LRRC32: variants seen among roughly 807,000 people sequenced by gnomAD.
The protein encoded by LRRC32 is transforming growth factor beta activator LRRC32.
Under a neutral mutation model 15.0 loss-of-function variants are expected in LRRC32, and 5 were observed. The observed-to-expected ratio is 0.33, with a 90% CI of 0.17 to 0.70. The LOEUF (loss-of-function observed/expected upper bound fraction) is 0.70. LRRC32 is among the 30% of genes least tolerant of loss of function. The pLI is 0.66. For missense variants in LRRC32, 803 were observed against 854.2 expected, an observed-to-expected ratio of 0.94 and a Z score of 0.75; for synonymous variants, 391 against 403.9, an observed-to-expected ratio of 0.97 and a Z score of 0.38.
At chr11:76,665,349 G>A (rs1216739027) in intron 2 of LRRC32, among the ~76,000 whole-genome samples, 1 of 152,134 alleles carries the variant, frequency 6.6e-6, no homozygotes, top group East Asian at 1.9e-4. Context: ...GCCTGGGAGG[G>A]GCTGGGGAGG....
rs2120049455 is a variant in LRRC32, at chr11:76,660,593, A to G, written c.1000T>C (p.Phe334Leu). 1 of 1,614,190 alleles carries G rather than the reference A, an allele frequency of 6.2e-7. No individual in the cohort carries two copies. The highest frequency in any genetic ancestry group is 8.5e-7 in the Non-Finnish European group (1 of 1,180,036). The change falls in exon 3 of 3, where the codon TTT becomes CTT. Residue 334 changes from phenylalanine to leucine, a missense_variant. Physicochemically the swap from Phe to Leu is conservative, Grantham distance 22. Transcript: ENST00000260061. ...YNEIELIPDS[F>L]LEHLTSLCFL... ...CACAGGGAGGTCAGGTGCTCAAGAAAGCTGTCGGGGATGAGCTCAATCTCA... is the reference window on the plus strand; with the variant it reads ...CACAGGGAGGTCAGGTGCTCAAGAAGGCTGTCGGGGATGAGCTCAATCTCA...
Position 76,658,673 on chromosome 11 carries a change from T to C in LRRC32, c.*931A>G, listed in dbSNP as rs1952454633. ...GGGGATAAAATATAGAGCTGTCACA[T>C]AGGGGCAGACACAAGGCTTGGATTC... On this transcript the variant is annotated 3_prime_UTR_variant, in exon 3 of 3. Transcript: ENST00000260061. 1 of 152,740 alleles carries C rather than the reference T, an allele frequency of 6.5e-6. No homozygotes were observed. The highest frequency in any genetic ancestry group is 1.5e-5 in the Non-Finnish European group (1 of 68,044). 9.5% of individuals were successfully genotyped at this position (152,740 alleles called of 1,614,324 possible).
Position 76,659,397 on chromosome 11 carries a change from C to T in LRRC32, c.*207G>A. ...ATTCTCGGCTGTCCCTGAAACCGCC[C>T]AACTTCTGGCTTCCACAGCTGGACC... On this transcript the variant is annotated 3_prime_UTR_variant, in exon 3 of 3. Transcript: ENST00000260061. 1.7e-6 allele frequency: 1 copy of T among 579,704 alleles called. No individual in the cohort carries two copies. Among genetic ancestry groups the T allele is most frequent in the South Asian group, 2.3e-5 (1 of 43,446 alleles). 35.9% of individuals were successfully genotyped at this position (579,704 alleles called of 1,614,324 possible). A position where few individuals can be genotyped will look rare whatever the true frequency, so the allele number is the denominator to read the frequency against.
At chr11:76,661,983 C>G (rs879816014) in intron 2 of LRRC32, among the ~76,000 whole-genome samples, 4 of 152,156 alleles carry the variant, frequency 2.6e-5, no homozygotes, top group Non-Finnish European at 5.9e-5. Context: ...ATGGGAATTT[C>G]TCCACTTTGG....
rs374884719 is a variant in LRRC32, at chr11:76,663,266, A to C, written c.85-1758T>G. 5.3e-5 allele frequency: 8 copies of C among 152,340 alleles called. No homozygotes were observed. In the East Asian group the frequency reaches 1.3e-3, roughly 26 times the overall value. The allele number at this position is 152,340 out of a possible 1,614,324, so 9.4% of individuals were successfully genotyped here. ...CAATCACTTCTCTAGGAGGAAAGAA[A>C]ATGCATAATTGATATTTTCAAAATA... On this transcript the variant is annotated intron_variant, in intron 2 of 2. Coordinates refer to ENST00000260061, the MANE Select transcript of LRRC32 (RefSeq NM_001128922.2).
chr11:76,660,759 C>G lies in LRRC32; in HGVS notation c.834G>C (p.Arg278=), dbSNP rs764827077. ...IYLNLSNNLI[R]LPTGPPQDSK... ...TGTCCTGGGGTGGCCCTGTGGGGAG[C>G]CGGATGAGGTTGTTGGACAAGTTCA... The change falls in exon 3 of 3, where the codon CGG becomes CGC. Residue 278 remains arginine (R), a synonymous_variant. Transcript: ENST00000260061. 22 of 1,613,886 alleles carry G rather than the reference C, an allele frequency of 1.4e-5. No individual in the cohort carries two copies. The highest frequency in any genetic ancestry group is 1.8e-5 in the Non-Finnish European group (21 of 1,180,016).
intron 1 of LRRC32, chr11:76,669,758 T>C (rs901588841): frequency 6.6e-6 from 1 of 152,292 alleles, no homozygotes; most frequent in East Asian, 1.9e-4. Flanking sequence ...GAGAAGTGAC[T>C]TACCCAAAGT....
intron 2 of LRRC32, among the ~76,000 whole-genome samples, chr11:76,665,492 C>G (rs1327173316): frequency 6.6e-6 from 1 of 152,166 alleles, no homozygotes; most frequent in Non-Finnish European, 1.5e-5. Flanking sequence ...GAGCCCCTCC[C>G]AGCTGGCCTA....
Position 76,657,828 on chromosome 11 carries a change from C to T in LRRC32, c.*1776G>A, listed in dbSNP as rs1952439702. 1 of 152,418 alleles carries T rather than the reference C, an allele frequency of 6.6e-6. No homozygotes were observed. The highest frequency in any genetic ancestry group is 2.1e-4 in the South Asian group (1 of 4,836). 9.4% of individuals were successfully genotyped at this position (152,418 alleles called of 1,614,324 possible). On this transcript the variant is annotated 3_prime_UTR_variant, in exon 3 of 3. Transcript: ENST00000260061. ...TTCCTCTGGGCCTTGGTGTTCTCCT[C>T]TGTAAAATGGGGTGGAGAGAGTGGC...
chr11:76,666,793 C>G (rs1360232073), intron 1 of LRRC32, among the ~76,000 whole-genome samples: 2 of 152,270 alleles, frequency 1.3e-5, no homozygotes, highest in African/African-American at 4.8e-5. Flanking sequence ...CAAATCCACC[C>G]ATGAATTTCA....
In LRRC32 at chr11:76,669,374, TGTGTGTGTGTGTGA is replaced by T. The variant is rs1472718640; in HGVS notation, c.-5+1226_-5+1239del. Among the ~76,000 whole-genome samples the T allele has an allele frequency of 3.6e-4, 53 of 148,496 alleles. No homozygotes were observed. In the South Asian group the frequency reaches 4.7e-3, roughly 13 times the overall value. ...GTGTGTGTGTGTGTGTGTGTGTGTG[TGTGTGTGTGTGTGA>T]GAGAGAGAGAGAGAGTGAGAGAGAA... On this transcript the variant is annotated intron_variant, in intron 1 of 2. Coordinates refer to ENST00000260061, the MANE Select transcript of LRRC32 (RefSeq NM_001128922.2).
chr11:76,665,526 A>C (rs1952611358), intron 2 of LRRC32, among the ~76,000 whole-genome samples: 1 of 152,072 alleles, frequency 6.6e-6, no homozygotes, highest in Non-Finnish European at 1.5e-5. Context: ...ACACATATAT[A>C]TATATTCTAG....
Position 76,658,530 on chromosome 11 carries a change from G to A in LRRC32, c.*1074C>T, listed in dbSNP as rs539687009. ...CACTTAACGGCCTGCAGCCCCTGCA[G>A]TGGTAAAGATCAGGCCCTGGAGACA... On this transcript the variant is annotated 3_prime_UTR_variant, in exon 3 of 3. Coordinates refer to ENST00000260061, the MANE Select transcript of LRRC32 (RefSeq NM_001128922.2). The A allele has an allele frequency of 8.5e-4, 129 of 152,078 alleles. No individual in the cohort carries two copies. The highest frequency in any genetic ancestry group is 3.0e-3 in the African/African-American group (125 of 41,208). The allele number at this position is 152,078 out of a possible 1,614,324, so 9.4% of individuals were successfully genotyped here. A position where few individuals can be genotyped will look rare whatever the true frequency, so the allele number is the denominator to read the frequency against.
chr11:76,659,262 T>G lies in LRRC32; in HGVS notation c.*342A>C. On this transcript the variant is annotated 3_prime_UTR_variant, in exon 3 of 3. Transcript: ENST00000260061. ...CACTCTCTCCTACCAGACTGGGAGA[T>G]TCTTGAGGGCGGGAATGTATCTCAT... 4 of 252,126 alleles carry G rather than the reference T, an allele frequency of 1.6e-5. No individual in the cohort carries two copies. The highest frequency in any genetic ancestry group is 1.5e-3 in the Middle Eastern group (1 of 686). The allele number at this position is 252,126 out of a possible 1,614,324, so 15.6% of individuals were successfully genotyped here.
chr11:76,669,345 ATGTGTGTGTGTGTG>A (rs112355864), intron 1 of LRRC32, among the ~76,000 whole-genome samples: 6 of 123,480 alleles, frequency 4.9e-5, no homozygotes, highest in East Asian at 2.3e-4. Context: ...GTGCCAAAGA[ATGTGTGTGTGTGTG>A]TGTGTGTGTG....
At position 76,659,591 on chromosome 11, in the gene LRRC32, T is replaced by A. The variant is rs767969105; in HGVS notation, c.*13A>T. 9 of 1,610,660 alleles carry A rather than the reference T, an allele frequency of 5.6e-6. No homozygotes were observed. Among genetic ancestry groups the A allele is most frequent in the African/African-American group, 1.3e-5 (1 of 74,990 alleles). On this transcript the variant is annotated 3_prime_UTR_variant, in exon 3 of 3. Coordinates refer to ENST00000260061, the MANE Select transcript of LRRC32 (RefSeq NM_001128922.2). ...CAGGCTCCCCCACTGACCTAGAGTG[T>A]CTCCCGGCTTCTTTAGGCTTTATAC...
chr11:76,664,139 C>T (rs925124086), intron 2 of LRRC32, among the ~76,000 whole-genome samples: 3 of 152,184 alleles, frequency 2.0e-5, no homozygotes, highest in Non-Finnish European at 4.4e-5. Context: ...GGCAAAGGCT[C>T]CCTGGGGCAC....
In LRRC32 at chr11:76,657,974, C is replaced by T. The variant is rs553949045; in HGVS notation, c.*1630G>A. 6.6e-6 allele frequency: 1 copy of T among 152,472 alleles called. No homozygotes were observed. The highest frequency in any genetic ancestry group is 6.5e-5 in the Admixed American group (1 of 15,300). The allele number at this position is 152,472 out of a possible 1,614,324, so 9.4% of individuals were successfully genotyped here. On this transcript the variant is annotated 3_prime_UTR_variant, in exon 3 of 3. Coordinates refer to ENST00000260061, the MANE Select transcript of LRRC32 (RefSeq NM_001128922.2). ...AGTTGGTCCCAGCACGTCCATTCTT[C>T]CCAGACAGCTCATGACTCCATGGTA...
Position 76,659,382 on chromosome 11 carries a change from G to C in LRRC32, c.*222C>G. ...TGACAGGTCAACATTATTCTCGGCT[G>C]TCCCTGAAACCGCCCAACTTCTGGC... On this transcript the variant is annotated 3_prime_UTR_variant, in exon 3 of 3. Transcript: ENST00000260061. 1 of 564,038 alleles carries C rather than the reference G, an allele frequency of 1.8e-6. No individual in the cohort carries two copies. The highest frequency in any genetic ancestry group is 3.2e-6 in the Non-Finnish European group (1 of 316,686). 34.9% of individuals were successfully genotyped at this position (564,038 alleles called of 1,614,324 possible).
Sources: gnomAD v4.1 joint callset for allele counts (sites outside exome capture counted in the v4.1 genomes callset) on GRCh38, gnomAD v4.1.1 for gene constraint, MANE v1.5 for transcripts, NCBI Gene and HGNC (gene_info 2026-07-23, HGNC 2026-07-21) for gene names.